Variants in ARB2A observed in about 807,000 individuals in gnomAD.
ARB2A encodes the protein cotranscriptional regulator ARB2A.
the ARB2A span, among the ~76,000 whole-genome samples, chr5:93,643,635 C>T: frequency 6.6e-6 from 1 of 152,094 alleles, no homozygotes; most frequent in African/African-American, 2.4e-5. Flanking sequence ...GCTGGGATTA[C>T]AGGCATGTAC....
the ARB2A span, among the ~76,000 whole-genome samples, chr5:94,009,621 T>A: frequency 1.3e-5 from 2 of 152,102 alleles, no homozygotes; most frequent in African/African-American, 2.4e-5. Context: ...ATTTCTCCAG[T>A]GTGATCTTTG....
chr5:93,758,429 C>T, the ARB2A span, among the ~76,000 whole-genome samples: 1 of 152,132 alleles, frequency 6.6e-6, no homozygotes, highest in East Asian at 1.9e-4. Flanking sequence ...TTTCATCCAA[C>T]AACTGCAGAA....
chr5:93,996,041 C>T, the ARB2A span, among the ~76,000 whole-genome samples: 1 of 152,020 alleles, frequency 6.6e-6, no homozygotes, highest in Non-Finnish European at 1.5e-5. Context: ...TGTATGGAGA[C>T]TAAGTCTCTT....
At chr5:93,979,848 A>G in the ARB2A span, among the ~76,000 whole-genome samples, 3 of 152,108 alleles carry the variant, frequency 2.0e-5, no homozygotes, top group African/African-American at 4.8e-5. Flanking sequence ...TTCTGGTTCT[A>G]TTCCTCTAGT....
the ARB2A span, chr5:93,683,643 G>C: frequency 1.9e-6 from 3 of 1,564,334 alleles, no homozygotes; most frequent in Non-Finnish European, 2.6e-6. Flanking sequence ...CATCTTTGTC[G>C]GCCTTTAGTT....
At chr5:93,669,837 T>C in the ARB2A span, among the ~76,000 whole-genome samples, 1 of 152,216 alleles carries the variant, frequency 6.6e-6, no homozygotes, top group Non-Finnish European at 1.5e-5. Context: ...GTTTCACACG[T>C]TGGTAAAAAA....
the ARB2A span, among the ~76,000 whole-genome samples, chr5:94,057,239 G>A: frequency 6.6e-6 from 1 of 152,148 alleles, no homozygotes; most frequent in Non-Finnish European, 1.5e-5. Flanking sequence ...CAAAACTGAT[G>A]TACCTTGAAG....
the ARB2A span, among the ~76,000 whole-genome samples, chr5:93,676,155 C>T: frequency 1.3e-5 from 2 of 152,002 alleles, no homozygotes; most frequent in Non-Finnish European, 2.9e-5. Flanking sequence ...TAGGCACTAA[C>T]ATGAATGGAG....
chr5:93,981,679 A>T, the ARB2A span, among the ~76,000 whole-genome samples: 2 of 151,964 alleles, frequency 1.3e-5, no homozygotes, highest in African/African-American at 2.4e-5. Context: ...TTTAATATAC[A>T]TGGTATTCTT....
the ARB2A span, among the ~76,000 whole-genome samples, chr5:94,062,450 G>C: frequency 1.3e-5 from 2 of 152,150 alleles, no homozygotes; most frequent in Non-Finnish European, 2.9e-5. Context: ...AGGGAAACGA[G>C]GCAACCTGCT....
chr5:93,858,753 T>C, the ARB2A span, among the ~76,000 whole-genome samples: 1 of 152,196 alleles, frequency 6.6e-6, no homozygotes, highest in Admixed American at 6.5e-5. Context: ...GTTATGGTTA[T>C]TTACCTGCTT....
chr5:93,762,667 C>T, the ARB2A span, among the ~76,000 whole-genome samples: 2 of 152,154 alleles, frequency 1.3e-5, no homozygotes, highest in African/African-American at 4.8e-5. Context: ...TCTAGCAAGG[C>T]AGGCCAACAT....
At chr5:93,949,379 G>A in the ARB2A span, among the ~76,000 whole-genome samples, 3 of 151,824 alleles carry the variant, frequency 2.0e-5, no homozygotes, top group Non-Finnish European at 4.4e-5. Context: ...TGGCCAACAC[G>A]GTGAAACCCC....
the ARB2A span, among the ~76,000 whole-genome samples, chr5:93,802,938 A>T: frequency 6.6e-6 from 1 of 152,116 alleles, no homozygotes; most frequent in Non-Finnish European, 1.5e-5. Context: ...TACATATAAC[A>T]GTATTTCGCT....
the ARB2A span, among the ~76,000 whole-genome samples, chr5:93,872,346 C>T: frequency 6.6e-6 from 1 of 152,054 alleles, no homozygotes; most frequent in Non-Finnish European, 1.5e-5. Flanking sequence ...GGAACTGAAA[C>T]AGTGATTTTT....
At chr5:93,805,893 C>G in the ARB2A span, 1 of 985,102 alleles carries the variant, frequency 1.0e-6, no homozygotes. Flanking sequence ...TTCCCAGCAT[C>G]TGAATTAGCT....
the ARB2A span, among the ~76,000 whole-genome samples, chr5:93,952,920 A>G: frequency 1.3e-5 from 2 of 152,146 alleles, no homozygotes; most frequent in Non-Finnish European, 2.9e-5. Flanking sequence ...CTTCTTGATC[A>G]ATTCAGCTAT....
the ARB2A span, among the ~76,000 whole-genome samples, chr5:93,681,724 C>T: frequency 6.6e-6 from 1 of 152,168 alleles, no homozygotes; most frequent in African/African-American, 2.4e-5. Flanking sequence ...CAGGCACAAG[C>T]CTCGCATTCC....
At chr5:93,888,287 T>C in the ARB2A span, among the ~76,000 whole-genome samples, 2 of 151,884 alleles carry the variant, frequency 1.3e-5, no homozygotes, top group Non-Finnish European at 2.9e-5. Context: ...TTTTATATTC[T>C]TTGCTTCTCA....
Sources: gnomAD v4.1 joint callset for allele counts (sites outside exome capture counted in the v4.1 genomes callset) on GRCh38, gnomAD v4.1.1 for gene constraint, MANE v1.5 for transcripts, NCBI Gene and HGNC (gene_info 2026-07-23, HGNC 2026-07-21) for gene names.